CCDC60: variants seen among roughly 807,000 people sequenced by gnomAD.
The protein encoded by CCDC60 is coiled-coil domain-containing protein 60.
A neutral mutation model predicts 63.5 loss-of-function variants in CCDC60; 54 were observed. The observed-to-expected ratio is 0.85, with a 90% confidence interval of 0.68 to 1.07. CCDC60 has a LOEUF of 1.07. Among genes scored for constraint, CCDC60 ranks in the 50% least tolerant of loss-of-function variants. The pLI, the probability that CCDC60 is intolerant of heterozygous loss-of-function variation, is 0.00. For missense variants in CCDC60, 651 were observed against 684.3 expected, an observed-to-expected ratio of 0.95 and a Z score of 0.54; for synonymous variants, 206 against 238.8, an observed-to-expected ratio of 0.86 and a Z score of 1.27.
intron 3 of CCDC60, among the ~76,000 whole-genome samples, chr12:119,476,208 C>T (rs1246068209): frequency 2.6e-5 from 4 of 152,056 alleles, no homozygotes; most frequent in Non-Finnish European, 5.9e-5. Context: ...TCCCACTGTG[C>T]TCAGTGACCT....
chr12:119,361,226 A>T (rs1955788036), intron 1 of CCDC60, among the ~76,000 whole-genome samples: 1 of 151,728 alleles, frequency 6.6e-6, no homozygotes, highest in Non-Finnish European at 1.5e-5. Context: ...GGAGAGCTCA[A>T]GTCTATCACA....
intron 2 of CCDC60, among the ~76,000 whole-genome samples, chr12:119,471,351 G>A (rs1951053217): frequency 1.3e-5 from 2 of 152,226 alleles, no homozygotes; most frequent in Admixed American, 1.3e-4. Context: ...ATCAAAGAGA[G>A]GGCAGCCTTA....
intron 13 of CCDC60, among the ~76,000 whole-genome samples, chr12:119,531,701 G>A (rs1228968555): frequency 6.6e-6 from 1 of 152,186 alleles, no homozygotes; most frequent in Non-Finnish European, 1.5e-5. Context: ...AAGGAAGCAG[G>A]CAAGGAGTGC....
chr12:119,502,353 A>G (rs1169907621), intron 6 of CCDC60, among the ~76,000 whole-genome samples: 1 of 152,194 alleles, frequency 6.6e-6, no homozygotes, highest in Non-Finnish European at 1.5e-5. Flanking sequence ...TACTTCACAG[A>G]AAGTGTAAGG....
intron 1 of CCDC60, among the ~76,000 whole-genome samples, chr12:119,396,426 TAGG>T (rs1032595268): frequency 3.3e-4 from 50 of 152,246 alleles, no homozygotes; most frequent in East Asian, 1.2e-3. Context: ...AGTGGGAACC[TAGG>T]AGACCAGCCA....
chr12:119,361,562 G>A (rs113086878), intron 1 of CCDC60, among the ~76,000 whole-genome samples: 20 of 152,052 alleles, frequency 1.3e-4, no homozygotes, highest in African/African-American at 4.6e-4. Flanking sequence ...ATCAAGGGTC[G>A]CAAAAGAATC....
At chr12:119,349,166 G>C (rs1342344081) in intron 1 of CCDC60, among the ~76,000 whole-genome samples, 5 of 152,074 alleles carry the variant, frequency 3.3e-5, no homozygotes, top group Non-Finnish European at 7.4e-5. Flanking sequence ...TTTTTACTGG[G>C]GGTGGGTGGG....
At chr12:119,339,182 G>A (rs927255153) in intron 1 of CCDC60, among the ~76,000 whole-genome samples, 2 of 152,144 alleles carry the variant, frequency 1.3e-5, no homozygotes, top group Non-Finnish European at 2.9e-5. Context: ...AGACATGGGG[G>A]AGGGGAGAAG....
intron 5 of CCDC60, among the ~76,000 whole-genome samples, chr12:119,494,807 C>T (rs540211733): frequency 1.2e-4 from 19 of 152,104 alleles, no homozygotes; most frequent in Admixed American, 3.9e-4. Flanking sequence ...ACGGAGAAAC[C>T]CCATCTCTAC....
intron 1 of CCDC60, among the ~76,000 whole-genome samples, chr12:119,400,240 G>A (rs937114293): frequency 6.6e-6 from 1 of 152,110 alleles, no homozygotes; most frequent in South Asian, 2.1e-4. Flanking sequence ...TAGTAAAGAC[G>A]GGGTTTCACC....
intron 2 of CCDC60, chr12:119,429,006 C>G (rs1487264436): frequency 4.9e-6 from 2 of 405,558 alleles, no homozygotes; most frequent in Non-Finnish European, 8.9e-6. Context: ...GCTTTTCTTC[C>G]TGGACCTGAA....
intron 1 of CCDC60, among the ~76,000 whole-genome samples, chr12:119,376,436 T>C (rs1402566808): frequency 6.6e-6 from 1 of 152,108 alleles, no homozygotes; most frequent in African/African-American, 2.4e-5. Flanking sequence ...GAAACCAGCC[T>C]GGGAAACATG....
At chr12:119,421,057 G>A (rs1023171481) in intron 1 of CCDC60, among the ~76,000 whole-genome samples, 26 of 151,810 alleles carry the variant, frequency 1.7e-4, no homozygotes, top group African/African-American at 5.1e-4. Flanking sequence ...CTCACCCCTC[G>A]ACGGAGCATC....
intron 2 of CCDC60, among the ~76,000 whole-genome samples, chr12:119,450,644 G>A (rs1375487588): frequency 6.6e-6 from 1 of 152,082 alleles, no homozygotes; most frequent in African/African-American, 2.4e-5. Flanking sequence ...GGATCACAAG[G>A]TCAAGAGATG....
intron 2 of CCDC60, among the ~76,000 whole-genome samples, chr12:119,461,900 G>A (rs956257541): frequency 3.9e-5 from 6 of 152,190 alleles, no homozygotes; most frequent in South Asian, 4.1e-4. Flanking sequence ...AATATTAAGC[G>A]TTTTTAAATG....
At chr12:119,395,322 T>C (rs143018622) in intron 1 of CCDC60, among the ~76,000 whole-genome samples, 1 of 152,234 alleles carries the variant, frequency 6.6e-6, no homozygotes, top group Non-Finnish European at 1.5e-5. Flanking sequence ...CAAAGAAAGG[T>C]GGTTTACCTG....
Position 119,346,774 on chromosome 12 carries a change from C to CTCTTTCTTTCTTTCTTTCTT in CCDC60, c.90+11550_90+11569dup, listed in dbSNP as rs61270891. Among the ~76,000 whole-genome samples, 93 of 125,392 alleles carry CTCTTTCTTTCTTTCTTTCTT rather than the reference C, an allele frequency of 7.4e-4. 1 individual carries two copies. The highest frequency in any genetic ancestry group is 2.0e-3 in the African/African-American group (64 of 32,484). 82.3% of individuals were successfully genotyped at this position (125,392 alleles called of 152,430 possible). On this transcript the variant is annotated intron_variant, in intron 1 of 13. Transcript: ENST00000327554. ...CTGCATGTGGCTTAGACTCATCTTT[C>CTCTTTCTTTCTTTCTTTCTT]TCTTTCTTTCTTTCTTTCTTTCTTT... is the stretch of plus-strand genomic sequence containing the variant.
At chr12:119,454,798 G>C (rs1397636012) in intron 2 of CCDC60, among the ~76,000 whole-genome samples, 1 of 152,172 alleles carries the variant, frequency 6.6e-6, no homozygotes, top group Non-Finnish European at 1.5e-5. Context: ...CATAAAAAGG[G>C]TTTACATTTG....
chr12:119,362,053 C>G (rs1955796669), intron 1 of CCDC60, among the ~76,000 whole-genome samples: 1 of 152,176 alleles, frequency 6.6e-6, no homozygotes. Context: ...TTGTCCTGGA[C>G]AAACACATAT....
Sources: gnomAD v4.1 joint callset for allele counts (sites outside exome capture counted in the v4.1 genomes callset) on GRCh38, gnomAD v4.1.1 for gene constraint, MANE v1.5 for transcripts, NCBI Gene and HGNC (gene_info 2026-07-23, HGNC 2026-07-21) for gene names.